CSMD2: variants seen among roughly 807,000 people sequenced by gnomAD.
The protein encoded by CSMD2 is CUB and Sushi multiple domains 2.
In CSMD2, 130 loss-of-function variants were observed where a neutral mutation model predicts 398.5. That is an observed-to-expected ratio of 0.33 (90% CI 0.28 to 0.38). The LOEUF (loss-of-function observed/expected upper bound fraction) is 0.38, where lower values mean the gene tolerates loss of function less well. CSMD2 is among the 10% of genes least tolerant of loss of function. The pLI, the probability that CSMD2 is intolerant of heterozygous loss-of-function variation, is 1.00. For synonymous variants in CSMD2, 1,828 were observed against 1,908.5 expected, an observed-to-expected ratio of 0.96 and a Z score of 1.10; for missense variants, 3,829 against 4,764.9, an observed-to-expected ratio of 0.80 and a Z score of 5.78.
chr1:33,520,063 C>T (rs1418402561), intron 68 of CSMD2, 113 bp from the exon 69 acceptor site: 26 of 1,223,530 alleles, frequency 2.1e-5, no homozygotes, highest in Non-Finnish European at 3.0e-5. Context: ...CAGGGTGCTC[C>T]TCACTCCTGC....
chr1:33,673,728 A>T (rs1427607224), intron 25 of CSMD2, among the ~76,000 whole-genome samples: 3 of 152,242 alleles, frequency 2.0e-5, no homozygotes, highest in South Asian at 2.1e-4. Flanking sequence ...CGGGTTACCC[A>T]CAAAGGGAAG....
intron 6 of CSMD2, among the ~76,000 whole-genome samples, chr1:33,843,596 T>A (rs939415533): frequency 2.0e-5 from 3 of 152,214 alleles, no homozygotes; most frequent in Non-Finnish European, 2.9e-5. Context: ...TGCCCTGTTC[T>A]GTGCCCCAAG....
chr1:33,802,698 C>T (rs1207352426), intron 10 of CSMD2, among the ~76,000 whole-genome samples: 1 of 152,182 alleles, frequency 6.6e-6, no homozygotes, highest in East Asian at 1.9e-4. Context: ...AACCTTTCAG[C>T]TCCTTCTAAC....
chr1:33,648,844 G>A (rs2148956724), intron 28 of CSMD2, among the ~76,000 whole-genome samples: 1 of 152,026 alleles, frequency 6.6e-6, no homozygotes, highest in Admixed American at 6.5e-5. Context: ...ATTGCTTTTT[G>A]TTTTCTAATC....
At chr1:33,578,026 T>C (rs1638416914) in intron 48 of CSMD2, among the ~76,000 whole-genome samples, 2 of 152,114 alleles carry the variant, frequency 1.3e-5, no homozygotes, top group Non-Finnish European at 2.9e-5. Context: ...TATATGTAGA[T>C]TGCGTACATA....
chr1:33,522,071 G>A (rs920952213), intron 67 of CSMD2, among the ~76,000 whole-genome samples: 17 of 152,174 alleles, frequency 1.1e-4, no homozygotes, highest in Middle Eastern at 3.2e-3. Context: ...TTTAGGGGGC[G>A]TAGCTGGGGA....
At position 33,633,347 on chromosome 1, in the gene CSMD2, T is replaced by TA; in HGVS notation, c.5200+74dup. 8.7e-7 allele frequency: 1 copy of TA among 1,143,666 alleles called. No homozygotes were observed. Among genetic ancestry groups the TA allele is most frequent in the Non-Finnish European group, 1.3e-6 (1 of 778,450 alleles). 70.8% of individuals were successfully genotyped at this position (1,143,666 alleles called of 1,614,324 possible). A position where few individuals can be genotyped will look rare whatever the true frequency, so the allele number is the denominator to read the frequency against. ...TCCACCTGCGGCCATGGGGTGCTTCTAGAGCCTCCTTCCTTTAGCCGGACG... is the reference window on the plus strand; with the variant it reads ...TCCACCTGCGGCCATGGGGTGCTTCTAAGAGCCTCCTTCCTTTAGCCGGACG... On this transcript the variant is annotated intron_variant, in intron 32 of 70. Coordinates refer to ENST00000373381, the MANE Select transcript of CSMD2 (RefSeq NM_001281956.2). This position sits in a 1 kb window ranked among gnomAD's most constrained non-coding sequence, Gnocchi z 5.0.
At chr1:33,780,377 C>T (rs186228711) in intron 12 of CSMD2, among the ~76,000 whole-genome samples, 13 of 152,300 alleles carry the variant, frequency 8.5e-5, no homozygotes, top group African/African-American at 2.9e-4. Flanking sequence ...GACCCCACAT[C>T]TGTATGTGCA....
At chr1:33,919,356 G>A (rs1006061831) in intron 4 of CSMD2, among the ~76,000 whole-genome samples, 3 of 152,290 alleles carry the variant, frequency 2.0e-5, no homozygotes, top group South Asian at 2.1e-4. Context: ...TATGTCTGTG[G>A]GGCCTCCAAT....
At chr1:34,022,468 A>G (rs1649034744) in intron 3 of CSMD2, among the ~76,000 whole-genome samples, 2 of 152,244 alleles carry the variant, frequency 1.3e-5, no homozygotes, top group South Asian at 4.1e-4. Flanking sequence ...CTTCCTGTCC[A>G]GAAGCACACA....
At chr1:33,805,533 A>T (rs1052956220) in intron 10 of CSMD2, among the ~76,000 whole-genome samples, 1 of 152,198 alleles carries the variant, frequency 6.6e-6, no homozygotes, top group Admixed American at 6.5e-5. Context: ...AGCTTTTTCC[A>T]AGTTAGTGTT....
At chr1:33,743,772 A>G (rs1647166148) in intron 13 of CSMD2, among the ~76,000 whole-genome samples, 166 bp from the exon 14 acceptor site, 1 of 152,196 alleles carries the variant, frequency 6.6e-6, no homozygotes. Flanking sequence ...GTGGGGAGAC[A>G]TGCTGGGCTC....
At chr1:34,112,462 A>T (rs1661192352) in intron 1 of CSMD2, among the ~76,000 whole-genome samples, 1 of 152,196 alleles carries the variant, frequency 6.6e-6, no homozygotes. Flanking sequence ...AGGTAACTCA[A>T]AGGGTTTCCC....
chr1:33,844,289 G>C (rs866881092), intron 6 of CSMD2, among the ~76,000 whole-genome samples: 1 of 149,616 alleles, frequency 6.7e-6, no homozygotes, highest in Non-Finnish European at 1.5e-5. Flanking sequence ...TGTGTGTGTG[G>C]GGGGGCGCTG....
At chr1:34,162,609 A>G (rs1641450476) in intron 1 of CSMD2, among the ~76,000 whole-genome samples, 1 of 152,108 alleles carries the variant, frequency 6.6e-6, no homozygotes, top group Non-Finnish European at 1.5e-5. Context: ...CTGTAAGCCC[A>G]GCACTTTGGG....
At chr1:33,631,635 A>T (rs558705245) in intron 32 of CSMD2, among the ~76,000 whole-genome samples, 15 of 152,262 alleles carry the variant, frequency 9.9e-5, no homozygotes, top group Middle Eastern at 3.4e-3. Context: ...TCTGGGAATA[A>T]AGTTAACAAA....
intron 12 of CSMD2, among the ~76,000 whole-genome samples, chr1:33,784,652 T>C (rs900992294): frequency 6.6e-6 from 1 of 152,140 alleles, no homozygotes; most frequent in Non-Finnish European, 1.5e-5. Context: ...TGGGGAGTGC[T>C]GGTGTAAGGC....
intron 2 of CSMD2, among the ~76,000 whole-genome samples, chr1:34,033,931 T>G (rs922738120): frequency 1.3e-5 from 2 of 152,172 alleles, no homozygotes; most frequent in East Asian, 1.9e-4. Flanking sequence ...TAACTCAGAA[T>G]AGACTCAAGA....
chr1:33,532,013 A>G (rs1418507456), intron 64 of CSMD2, among the ~76,000 whole-genome samples: 1 of 152,260 alleles, frequency 6.6e-6, no homozygotes, highest in East Asian at 1.9e-4. Flanking sequence ...AATGTACTTT[A>G]TATCACTACT....
Sources: allele counts gnomAD v4.1 joint callset (sites outside exome capture counted in the v4.1 genomes callset), GRCh38; gene constraint gnomAD v4.1.1; non-coding constraint Gnocchi (gnomAD v3.1); transcripts MANE v1.5; gene names NCBI Gene and HGNC (gene_info 2026-07-23, HGNC 2026-07-21).